ERBB4: variants seen among roughly 807,000 people sequenced by gnomAD.
ERBB4 encodes the protein receptor tyrosine-protein kinase erbB-4.
Under a neutral mutation model 158.0 loss-of-function variants are expected in ERBB4, and 42 were observed. That is an observed-to-expected ratio of 0.27 (90% CI 0.21 to 0.34). The LOEUF (loss-of-function observed/expected upper bound fraction) is 0.34. Ranked by LOEUF, ERBB4 falls within the 10% of genes least tolerant of loss-of-function variation. The pLI is 1.00. For synonymous variants in ERBB4, 583 were observed against 558.7 expected, an observed-to-expected ratio of 1.04 and a Z score of -0.61; for missense variants, 1,333 against 1,624.1, an observed-to-expected ratio of 0.82 and a Z score of 3.08.
rs183754518 is a variant in ERBB4, at chr2:212,507,289, T to C, written c.82+31160A>G. On this transcript the variant is annotated intron_variant, in intron 1 of 27. Transcript: ENST00000342788. ...ACTAACCAAAGAGTTCTCGTGGAGA[T>C]CTACAAGGAGAATAATGCTGTTTTC... Among the ~76,000 whole-genome samples the C allele has an allele frequency of 7.9e-5, 12 of 152,240 alleles. No individual in the cohort carries two copies. The East Asian group carries it at 2.3e-3, about 29-fold the overall frequency.
intron 1 of ERBB4, among the ~76,000 whole-genome samples, chr2:212,514,777 C>T (rs1259641877): frequency 2.0e-5 from 3 of 152,178 alleles, no homozygotes; most frequent in Admixed American, 2.0e-4. Context: ...TGTACTCCAG[C>T]CTGGTGACAG....
At position 212,260,517 on chromosome 2, in the gene ERBB4, G is replaced by A. The variant is rs573656844; in HGVS notation, c.83-135614C>T. On this transcript the variant is annotated intron_variant, in intron 1 of 27. Coordinates refer to ENST00000342788, the MANE Select transcript of ERBB4 (RefSeq NM_005235.3). ...CAGCTTGTAAGTAATGGTGATGGTA[G>A]TTAAGAAAGTAGGCCCTCTGCGCAG... Among the ~76,000 whole-genome samples, 6 of 152,186 alleles carry A rather than the reference G, an allele frequency of 3.9e-5. No individual in the cohort carries two copies. In the South Asian group the frequency reaches 1.2e-3, roughly 32 times the overall value.
intron 20 of ERBB4, among the ~76,000 whole-genome samples, chr2:211,515,912 A>ATATATATATATTTTTTT (rs35696520): frequency 1.3e-5 from 1 of 78,976 alleles, no homozygotes; most frequent in African/African-American, 5.7e-5. Context: ...ATATATATAT[A>ATATATATATATTTTTTT]TTTTTTTTTT....
intron 3 of ERBB4, among the ~76,000 whole-genome samples, chr2:211,883,112 CA>C (rs755445304): frequency 1.3e-5 from 2 of 152,166 alleles, no homozygotes; most frequent in Non-Finnish European, 2.9e-5. Context: ...GAATACTATG[CA>C]GCCATAAAAA....
At position 211,383,969 on chromosome 2, in the gene ERBB4, T is replaced by C. The variant is rs1305796187; in HGVS notation, c.3573A>G (p.Ala1191=). The C allele has an allele frequency of 6.2e-7, 1 of 1,614,098 alleles. No individual in the cohort carries two copies. The highest frequency in any genetic ancestry group is 1.7e-5 in the Admixed American group (1 of 60,012). Residue 1191 remains alanine, a synonymous_variant, in exon 28 of 28, where the codon GCA becomes GCG. Coordinates refer to ENST00000342788, the MANE Select transcript of ERBB4 (RefSeq NM_005235.3). ...QALDNPEYHN[A]SNGPPKAEDE... ...CCTCGGCCTTGGGTGGACCATTGGATGCATTGTGATATTCGGGATTATCCA... is the reference window on the plus strand; with the variant it reads ...CCTCGGCCTTGGGTGGACCATTGGACGCATTGTGATATTCGGGATTATCCA...
At chr2:212,437,709 G>A (rs901168239) in intron 1 of ERBB4, among the ~76,000 whole-genome samples, 7 of 152,054 alleles carry the variant, frequency 4.6e-5, no homozygotes, top group Non-Finnish European at 4.4e-5. Flanking sequence ...ATTCTGTAGT[G>A]ACTTTCTGCC....
At chr2:212,351,850 G>A (rs2089266935) in intron 1 of ERBB4, among the ~76,000 whole-genome samples, 1 of 152,098 alleles carries the variant, frequency 6.6e-6, no homozygotes, top group Non-Finnish European at 1.5e-5. Flanking sequence ...TCACATAAAT[G>A]AATTAGCACA....
At chr2:212,276,616 G>A (rs552209405) in intron 1 of ERBB4, among the ~76,000 whole-genome samples, 1 of 151,918 alleles carries the variant, frequency 6.6e-6, no homozygotes, top group African/African-American at 2.4e-5. Flanking sequence ...ATTCTTAAAA[G>A]TAAAGAAACA....
At chr2:212,333,637 C>T (rs1418763066) in intron 1 of ERBB4, among the ~76,000 whole-genome samples, 2 of 150,588 alleles carry the variant, frequency 1.3e-5, no homozygotes, top group Admixed American at 6.6e-5. Flanking sequence ...GAGGCTCCAG[C>T]GAGCCATGAT....
At chr2:212,168,949 CAT>C (rs2081429266) in intron 1 of ERBB4, among the ~76,000 whole-genome samples, 1 of 152,016 alleles carries the variant, frequency 6.6e-6, no homozygotes, top group African/African-American at 2.4e-5. Flanking sequence ...CAACTACCAT[CAT>C]ATGTGACAAA....
chr2:211,968,624 C>T (rs953399596), intron 2 of ERBB4, among the ~76,000 whole-genome samples: 3 of 151,906 alleles, frequency 2.0e-5, no homozygotes, highest in Non-Finnish European at 4.4e-5. Context: ...CTGAAAATTG[C>T]AAAGCATAAA....
intron 1 of ERBB4, among the ~76,000 whole-genome samples, chr2:212,365,323 G>A (rs1366520592): frequency 6.6e-6 from 1 of 151,346 alleles, no homozygotes; most frequent in Non-Finnish European, 1.5e-5. Context: ...CAGTTGTTTT[G>A]GAATAATATA....
At chr2:211,627,455 T>C (rs1427390537) in intron 17 of ERBB4, among the ~76,000 whole-genome samples, 2 of 152,238 alleles carry the variant, frequency 1.3e-5, no homozygotes, top group Non-Finnish European at 2.9e-5. Context: ...CTCATTCCAA[T>C]TGCAGATAAC....
At chr2:211,625,074 A>G (rs2069789628) in intron 17 of ERBB4, among the ~76,000 whole-genome samples, 1 of 150,552 alleles carries the variant, frequency 6.6e-6, no homozygotes. Flanking sequence ...ATATGTGAGA[A>G]AAAAAAAAAG....
At chr2:212,223,148 T>A (rs1389737065) in intron 1 of ERBB4, among the ~76,000 whole-genome samples, 1 of 151,422 alleles carries the variant, frequency 6.6e-6, no homozygotes, top group African/African-American at 2.4e-5. Flanking sequence ...TCTGAAAATC[T>A]AATTTAACTA....
At chr2:211,896,275 C>T (rs894358575) in intron 3 of ERBB4, among the ~76,000 whole-genome samples, 30 of 152,164 alleles carry the variant, frequency 2.0e-4, no homozygotes, top group African/African-American at 7.0e-4. Context: ...TGAATCACAG[C>T]TTCTGTAATC....
chr2:212,447,287 G>C (rs990333470), intron 1 of ERBB4, among the ~76,000 whole-genome samples: 1 of 151,994 alleles, frequency 6.6e-6, no homozygotes. Context: ...GTGAGCCACT[G>C]CACCCAGCCA....
chr2:211,549,027 G>A (rs140548296), intron 20 of ERBB4, among the ~76,000 whole-genome samples: 121 of 152,086 alleles, frequency 8.0e-4, no homozygotes, highest in Middle Eastern at 3.4e-3. Flanking sequence ...TTCTCTCTGC[G>A]TCATTTTTTA....
intron 2 of ERBB4, among the ~76,000 whole-genome samples, chr2:211,963,303 C>T (rs867710610): frequency 6.6e-6 from 1 of 151,992 alleles, no homozygotes; most frequent in Non-Finnish European, 1.5e-5. Context: ...ACCTCCCACA[C>T]CCACCACTAG....
Sources: allele counts gnomAD v4.1 joint callset (sites outside exome capture counted in the v4.1 genomes callset), GRCh38; gene constraint gnomAD v4.1.1; transcripts MANE v1.5; gene names NCBI Gene and HGNC (gene_info 2026-07-23, HGNC 2026-07-21).